ESRRG: variants seen among roughly 807,000 people sequenced by gnomAD.
ESRRG encodes the protein estrogen-related receptor gamma.
A neutral mutation model predicts 44.0 loss-of-function variants in ESRRG; 13 were observed. The ratio of observed to expected loss-of-function variants is 0.30; its 90% CI spans 0.19 to 0.47. The LOEUF (loss-of-function observed/expected upper bound fraction) is 0.47. ESRRG is among the 20% of genes least tolerant of loss of function. The pLI is 1.00. For missense variants in ESRRG, 395 were observed against 580.6 expected (o/e 0.68, Z 3.29); for synonymous variants, 215 against 214.6 (o/e 1.00, Z -0.02).
chr1:216,659,599 C>T (rs535086234), intron 2 of ESRRG, among the ~76,000 whole-genome samples: 1 of 152,304 alleles, frequency 6.6e-6, no homozygotes, highest in Admixed American at 6.5e-5. Context: ...AAGCTCACCC[C>T]CTTGTCTGAA....
At chr1:216,645,735 G>A (rs1364909090) in intron 3 of ESRRG, among the ~76,000 whole-genome samples, 1 of 151,762 alleles carries the variant, frequency 6.6e-6, no homozygotes, top group Non-Finnish European at 1.5e-5. Flanking sequence ...AAAGTAGCAT[G>A]GTGGCATGGG....
intron 2 of ESRRG, among the ~76,000 whole-genome samples, chr1:216,912,494 A>G (rs1302054507): frequency 1.3e-5 from 2 of 152,108 alleles, no homozygotes; most frequent in Admixed American, 1.3e-4. Flanking sequence ...GTGCTTATTT[A>G]TATTTTTTAA....
chr1:217,038,570 C>G (rs980953846), intron 1 of ESRRG, among the ~76,000 whole-genome samples: 1 of 152,194 alleles, frequency 6.6e-6, no homozygotes, highest in African/African-American at 2.4e-5. Flanking sequence ...ACCTTGGTCC[C>G]TTTTAGCCAG....
At chr1:216,944,658 G>A (rs1182197635) in intron 1 of ESRRG, among the ~76,000 whole-genome samples, 1 of 152,134 alleles carries the variant, frequency 6.6e-6, no homozygotes, top group Non-Finnish European at 1.5e-5. Flanking sequence ...GGGAAGTCCT[G>A]TAAGGCAAAG....
intron 1 of ESRRG, among the ~76,000 whole-genome samples, chr1:217,033,045 C>T (rs536701726): frequency 4.0e-4 from 61 of 152,166 alleles, no homozygotes; most frequent in Admixed American, 2.7e-3. Context: ...GGGGGTGCAC[C>T]TATAATCCTT....
intron 2 of ESRRG, among the ~76,000 whole-genome samples, chr1:216,666,272 T>G (rs1364190057): frequency 2.0e-5 from 3 of 152,342 alleles, no homozygotes; most frequent in East Asian, 1.9e-4. Flanking sequence ...TTTCCTACAT[T>G]TAGAGTGAAC....
intron 1 of ESRRG, among the ~76,000 whole-genome samples, chr1:217,127,246 A>G (rs544608115): frequency 6.6e-6 from 1 of 152,248 alleles, no homozygotes; most frequent in African/African-American, 2.4e-5. Flanking sequence ...TTCATTTTCT[A>G]TGTTTATTAT....
intron 2 of ESRRG, among the ~76,000 whole-genome samples, chr1:216,880,515 CA>C (rs2096429785): frequency 6.6e-6 from 1 of 151,936 alleles, no homozygotes; most frequent in African/African-American, 2.4e-5. Flanking sequence ...AAGATTTCTA[CA>C]AAGCCAGTTT....
chr1:216,549,326 T>C (rs2055542557), intron 5 of ESRRG, among the ~76,000 whole-genome samples: 1 of 151,776 alleles, frequency 6.6e-6, no homozygotes, highest in Non-Finnish European at 1.5e-5. Flanking sequence ...GAAAGAGAAA[T>C]AGATAAGAGA....
At chr1:216,948,920 G>C (rs1266608923) in intron 1 of ESRRG, among the ~76,000 whole-genome samples, 1 of 151,918 alleles carries the variant, frequency 6.6e-6, no homozygotes, top group Non-Finnish European at 1.5e-5. Context: ...ATCTACTTAG[G>C]GCCCCCAAAA....
At chr1:217,112,565 G>A (rs761733046) in intron 1 of ESRRG, among the ~76,000 whole-genome samples, 2 of 152,196 alleles carry the variant, frequency 1.3e-5, no homozygotes, top group Non-Finnish European at 2.9e-5. Context: ...AATGTTGAAA[G>A]TGCTTTTTGT....
intron 2 of ESRRG, among the ~76,000 whole-genome samples, chr1:216,808,497 T>C (rs1355911097): frequency 6.6e-6 from 1 of 152,098 alleles, no homozygotes; most frequent in Non-Finnish European, 1.5e-5. Context: ...CATGCTCATG[T>C]CTCACAGCAG....
intron 1 of ESRRG, among the ~76,000 whole-genome samples, chr1:216,948,811 G>A (rs1330960736): frequency 1.3e-5 from 2 of 152,206 alleles, no homozygotes; most frequent in South Asian, 4.1e-4. Flanking sequence ...TTTCCACTAA[G>A]AAATAAGGCA....
At chr1:216,803,050 T>A (rs2094674226) in intron 2 of ESRRG, among the ~76,000 whole-genome samples, 2 of 152,008 alleles carry the variant, frequency 1.3e-5, no homozygotes, top group Non-Finnish European at 2.9e-5. Context: ...AGCCAGGGAG[T>A]TTGGGCTCAT....
At chr1:216,570,183 T>C (rs1299051492) in intron 3 of ESRRG, among the ~76,000 whole-genome samples, 2 of 152,192 alleles carry the variant, frequency 1.3e-5, no homozygotes, top group African/African-American at 4.8e-5. Flanking sequence ...TATTGAAGTA[T>C]CAGAATATAG....
chr1:216,825,453 C>T (rs150636715), intron 2 of ESRRG, among the ~76,000 whole-genome samples: 1 of 152,010 alleles, frequency 6.6e-6, no homozygotes, highest in Non-Finnish European at 1.5e-5. Context: ...TTTGCAAATG[C>T]AATATATCAT....
At chr1:217,009,547 A>C (rs2078233439) in intron 1 of ESRRG, among the ~76,000 whole-genome samples, 1 of 152,200 alleles carries the variant, frequency 6.6e-6, no homozygotes, top group Admixed American at 6.5e-5. Flanking sequence ...CATGATGTGC[A>C]GCTACTACAT....
intron 2 of ESRRG, among the ~76,000 whole-genome samples, chr1:216,782,798 C>G (rs983789770): frequency 2.0e-5 from 3 of 151,988 alleles, no homozygotes; most frequent in African/African-American, 7.2e-5. Flanking sequence ...AATAGCTTTA[C>G]AGTAAACATT....
intron 1 of ESRRG, among the ~76,000 whole-genome samples, chr1:216,992,791 G>T (rs1222864993): frequency 6.6e-6 from 1 of 152,104 alleles, no homozygotes; most frequent in Non-Finnish European, 1.5e-5. Context: ...TATTATCAAA[G>T]AATATGATGA....
Sources: allele counts gnomAD v4.1 joint callset (sites outside exome capture counted in the v4.1 genomes callset), GRCh38; gene constraint gnomAD v4.1.1; transcripts MANE v1.5; gene names NCBI Gene and HGNC (gene_info 2026-07-23, HGNC 2026-07-21).